Variants in ZFX observed in about 807,000 individuals in gnomAD.
ZFX encodes the protein zinc finger protein X-linked, also known as zinc finger X-chromosomal protein.
For missense variants in ZFX, 362 were observed against 628.3 expected, an observed-to-expected ratio of 0.58 and a Z score of 4.53; for synonymous variants, 196 against 226.8, an observed-to-expected ratio of 0.86 and a Z score of 1.22.
At chrX:24,198,397 A>G (rs1389840339) in intron 5 of ZFX, among the ~76,000 whole-genome samples, 2 of 108,875 alleles carry the variant, frequency 1.8e-5, no homozygotes, top group Non-Finnish European at 3.8e-5. Flanking sequence ...AGATGGTCTC[A>G]CTATATTACC....
intron 5 of ZFX, 62 bp downstream of exon 5, chrX:24,179,832 A>T (rs1474407165): frequency 8.9e-6 from 9 of 1,011,802 alleles, no homozygotes; most frequent in African/African-American, 3.8e-5. Flanking sequence ...TCTAATTTAC[A>T]TCAGGGGTGA....
intron 5 of ZFX, among the ~76,000 whole-genome samples, chrX:24,200,378 ATAGGTGC>A (rs1937215238): frequency 8.9e-6 from 1 of 111,741 alleles, no homozygotes; most frequent in South Asian, 3.7e-4. Flanking sequence ...ATTTAGCTAC[ATAGGTGC>A]TAGTGCAGAG....
At chrX:24,165,823 A>G (rs1358709723) in intron 3 of ZFX, among the ~76,000 whole-genome samples, 2 of 112,306 alleles carry the variant, frequency 1.8e-5, no homozygotes, top group Non-Finnish European at 3.8e-5. Flanking sequence ...ACGTGAATAG[A>G]ATTTCTTTTC....
intron 4 of ZFX, among the ~76,000 whole-genome samples, chrX:24,178,720 A>G (rs1935404234): frequency 9.0e-6 from 1 of 110,629 alleles, no homozygotes; most frequent in South Asian, 3.8e-4. Flanking sequence ...TTGGGATTAT[A>G]GGCTTGTGCT....
At chrX:24,159,026 G>A (rs1932984554) in intron 3 of ZFX, among the ~76,000 whole-genome samples, 1 of 110,192 alleles carries the variant, frequency 9.1e-6, no homozygotes, top group South Asian at 3.8e-4. Flanking sequence ...ATTTTGAGAT[G>A]GGGTCTTGCT....
chrX:24,203,277 A>G (rs971002084), intron 5 of ZFX, among the ~76,000 whole-genome samples: 2 of 112,133 alleles, frequency 1.8e-5, no homozygotes, highest in Admixed American at 9.4e-5. Flanking sequence ...AGGCCTCGTC[A>G]TCTATCACCT....
At chrX:24,183,730 ATT>A (rs768573947) in intron 5 of ZFX, among the ~76,000 whole-genome samples, 8 of 99,958 alleles carry the variant, frequency 8.0e-5, no homozygotes, top group Non-Finnish European at 4.1e-5. Context: ...AACACAGATA[ATT>A]TTTTTTTTTT....
chrX:24,177,706 T>C (rs1176728950), intron 4 of ZFX: 1 of 751,650 alleles, frequency 1.3e-6, no homozygotes, highest in Non-Finnish European at 1.6e-6. Flanking sequence ...ATTTCTAAAT[T>C]TCTATAGCCA....
intron 5 of ZFX, among the ~76,000 whole-genome samples, chrX:24,207,000 G>C (rs1937621352): frequency 9.0e-6 from 1 of 110,522 alleles, no homozygotes; most frequent in South Asian, 3.9e-4. Flanking sequence ...TTGGGAGGCT[G>C]AGGTGGGCAG....
chrX:24,155,889 T>TTTTA (rs749597304), intron 3 of ZFX, among the ~76,000 whole-genome samples: 17 of 111,930 alleles, frequency 1.5e-4, no homozygotes, highest in South Asian at 1.1e-3. Flanking sequence ...GGTATATGGG[T>TTTTA]TTTATTTATT....
intron 3 of ZFX, among the ~76,000 whole-genome samples, chrX:24,169,468 G>A (rs1934349961): frequency 9.1e-6 from 1 of 110,341 alleles, no homozygotes; most frequent in Admixed American, 9.8e-5. Context: ...GCCCTTACGT[G>A]TAGTTTTAGG....
At chrX:24,186,401 T>G (rs1936116716) in intron 5 of ZFX, among the ~76,000 whole-genome samples, 1 of 109,459 alleles carries the variant, frequency 9.1e-6, no homozygotes, top group Admixed American at 9.9e-5. Flanking sequence ...ATCTCGAGGG[T>G]AAGGAGTTGG....
intron 5 of ZFX, among the ~76,000 whole-genome samples, chrX:24,201,316 T>C (rs1174609555): frequency 8.9e-6 from 1 of 112,668 alleles, no homozygotes; most frequent in Non-Finnish European, 1.9e-5. Context: ...TTGGAATGTG[T>C]TTTCCCTCAC....
intron 4 of ZFX, among the ~76,000 whole-genome samples, chrX:24,174,396 ATTT>A (rs199790697): frequency 2.1e-5 from 2 of 94,557 alleles, no homozygotes; most frequent in Non-Finnish European, 2.1e-5. Flanking sequence ...TTAAATTAAA[ATTT>A]TTTTTTTTTT....
Position 24,203,606 on chromosome X carries a change from A to AGC in ZFX, c.647-3719_647-3718dup, listed in dbSNP as rs771969984. 6.2e-5 allele frequency among the ~76,000 whole-genome samples: 7 copies of AGC among 112,609 alleles called. No homozygotes were observed. The East Asian group carries it at 1.9e-3, about 31-fold the overall frequency. On this transcript the variant is annotated intron_variant, in intron 5 of 9. Transcript: ENST00000304543. ...CCTTGGCCTGCAAGGATAAAGTCGG[A>AGC]GCCCTTCTGCCTGTGCATGAGGCCC...
Position 24,172,426 on chromosome X carries a change from A to G in ZFX, c.-28-289A>G, listed in dbSNP as rs192363455. On this transcript the variant is annotated intron_variant, in intron 3 of 9. Coordinates refer to ENST00000304543, the MANE Select transcript of ZFX (RefSeq NM_003410.4). ...TTACAAAAGTTTATGTATGTATTAG[A>G]ATTCATCAAGATGTGTGCACTTGAT... Among the ~76,000 whole-genome samples, 390 of 112,055 alleles carry G rather than the reference A, an allele frequency of 3.5e-3. 3 individuals carry two copies. The highest frequency in any genetic ancestry group is 4.7e-3 in the Non-Finnish European group (248 of 53,202).
At position 24,187,201 on chromosome X, in the gene ZFX, C is replaced by T. The variant is rs551972646; in HGVS notation, c.646+7431C>T. On this transcript the variant is annotated intron_variant, in intron 5 of 9. Transcript: ENST00000304543. ...GTCTGATCATAGTGCACTGCAGCCTCGAATAATAGCTTCTCCAAGGTCACT... is the reference window on the plus strand; with the variant it reads ...GTCTGATCATAGTGCACTGCAGCCTTGAATAATAGCTTCTCCAAGGTCACT... 7.2e-5 allele frequency among the ~76,000 whole-genome samples: 8 copies of T among 111,685 alleles called. No individual in the cohort carries two copies. The South Asian group carries it at 1.9e-3, about 26-fold the overall frequency.
Position 24,211,572 on chromosome X carries a change from TAATA to T in ZFX, c.*201_*204del, listed in dbSNP as rs1938083982. The T allele has an allele frequency of 1.1e-5, 5 of 460,914 alleles. No individual in the cohort carries two copies. The highest frequency in any genetic ancestry group is 9.4e-5 in the South Asian group (2 of 21,278). The allele number at this position is 460,914 out of a possible 1,213,427, so 38.0% of individuals were successfully genotyped here. Reference sequence around the variant, plus strand: ...TGTTCTGAATTCTATTCAGTTTGTTTAATAAATAGGGAAAACTGGCAACATGCTA... The same window carrying T: ...TGTTCTGAATTCTATTCAGTTTGTTTAATAGGGAAAACTGGCAACATGCTA... On this transcript the variant is annotated 3_prime_UTR_variant, in exon 10 of 10. Transcript: ENST00000304543.
At chrX:24,162,260 T>G (rs1487380367) in intron 3 of ZFX, among the ~76,000 whole-genome samples, 2 of 111,256 alleles carry the variant, frequency 1.8e-5, no homozygotes, top group Non-Finnish European at 3.8e-5. Context: ...CAGTAGAGTT[T>G]TTAATTACTC....
Sources: allele counts gnomAD v4.1 joint callset (sites outside exome capture counted in the v4.1 genomes callset), GRCh38; gene constraint gnomAD v4.1.1; transcripts MANE v1.5; gene names NCBI Gene and HGNC (gene_info 2026-07-23, HGNC 2026-07-21).